The following HMGA2 variants were observed in gnomAD, a reference collection of about 807,000 sequenced individuals.
The protein encoded by HMGA2 is high mobility group protein HMGI-C.
Under a neutral mutation model 19.1 loss-of-function variants are expected in HMGA2, and 8 were observed. That is an observed-to-expected ratio of 0.42 (90% CI 0.25 to 0.76). HMGA2 has a LOEUF of 0.76. Among genes scored for constraint, HMGA2 ranks in the 30% least tolerant of loss-of-function variants. The pLI is 0.28. For synonymous variants in HMGA2, 60 were observed against 48.8 expected (o/e 1.23, Z -0.96); for missense variants, 109 against 136.3 (o/e 0.80, Z 1.00).
intron 3 of HMGA2, among the ~76,000 whole-genome samples, chr12:65,932,011 T>A (rs565526560): frequency 1.3e-5 from 2 of 152,342 alleles, no homozygotes; most frequent in Admixed American, 1.3e-4. Flanking sequence ...TATATTTGGC[T>A]TCAATGTCCA....
At chr12:65,952,385 C>T (rs916365479) in intron 4 of HMGA2, 2 of 1,534,848 alleles carry the variant, frequency 1.3e-6, no homozygotes, top group African/African-American at 1.4e-5. Context: ...GGAAGGACCA[C>T]CCGGGCAATC....
intron 3 of HMGA2, among the ~76,000 whole-genome samples, chr12:65,917,429 G>A (rs189729162): frequency 6.6e-6 from 1 of 152,310 alleles, no homozygotes; most frequent in Admixed American, 6.5e-5. Context: ...TCTGGATCTG[G>A]TCTGGATTGT....
At chr12:65,923,269 G>A (rs1649241249) in intron 3 of HMGA2, among the ~76,000 whole-genome samples, 1 of 152,108 alleles carries the variant, frequency 6.6e-6, no homozygotes, top group African/African-American at 2.4e-5. Flanking sequence ...GACCCCTCAA[G>A]AAATAAAAGA....
intron 3 of HMGA2, among the ~76,000 whole-genome samples, chr12:65,893,812 G>A (rs531964850): frequency 1.4e-4 from 21 of 152,320 alleles, no homozygotes; most frequent in Admixed American, 1.3e-4. Flanking sequence ...AGGAGAAAAG[G>A]CAAAACTGAT....
At chr12:65,881,846 T>C (rs952734651) in intron 3 of HMGA2, 5 of 702,998 alleles carry the variant, frequency 7.1e-6, no homozygotes, top group Non-Finnish European at 1.3e-5. Flanking sequence ...TTCCTTGAAC[T>C]GCACTCTTTT....
intron 3 of HMGA2, among the ~76,000 whole-genome samples, chr12:65,937,310 G>A (rs1387744442): frequency 1.3e-5 from 2 of 152,078 alleles, no homozygotes; most frequent in Non-Finnish European, 2.9e-5. Context: ...CCTAGAGTGG[G>A]ATACTCCCCT....
At chr12:65,837,177 C>T (rs1159475278) in intron 2 of HMGA2, among the ~76,000 whole-genome samples, 1 of 152,122 alleles carries the variant, frequency 6.6e-6, no homozygotes, top group Non-Finnish European at 1.5e-5. Flanking sequence ...TTTAAATGCT[C>T]AATATTTGTG....
intron 3 of HMGA2, among the ~76,000 whole-genome samples, chr12:65,905,291 T>C (rs923954863): frequency 1.3e-5 from 2 of 152,078 alleles, no homozygotes; most frequent in African/African-American, 2.4e-5. Flanking sequence ...CCAAATGAAA[T>C]TGCCGTTTTT....
intron 2 of HMGA2, chr12:65,828,423 T>C (rs1592369815): frequency 3.3e-6 from 1 of 304,308 alleles, no homozygotes; most frequent in East Asian, 7.9e-5. Context: ...CAGTTGTAAA[T>C]AGTTAAAAAC....
At chr12:65,920,626 T>A (rs1021067956) in intron 3 of HMGA2, among the ~76,000 whole-genome samples, 1 of 152,166 alleles carries the variant, frequency 6.6e-6, no homozygotes, top group Non-Finnish European at 1.5e-5. Context: ...TCTCACAAGA[T>A]CTGATGGGTT....
chr12:65,876,151 T>A (rs533370315), intron 3 of HMGA2, among the ~76,000 whole-genome samples: 4 of 152,280 alleles, frequency 2.6e-5, no homozygotes, highest in South Asian at 4.1e-4. Context: ...TTCCATTATA[T>A]AAATCTGTGT....
At chr12:65,946,184 T>C (rs976841929) in intron 3 of HMGA2, among the ~76,000 whole-genome samples, 4 of 152,212 alleles carry the variant, frequency 2.6e-5, no homozygotes, top group Admixed American at 2.0e-4. Context: ...ATCTGTCTTA[T>C]ACTATATTGC....
At chr12:65,859,805 C>T (rs572580706) in intron 3 of HMGA2, 31 of 189,750 alleles carry the variant, frequency 1.6e-4, no homozygotes, top group African/African-American at 6.9e-5. Context: ...GCATTTAGGC[C>T]GTGTGCAGTG....
chr12:65,896,790 G>T (rs1874150641), intron 3 of HMGA2, among the ~76,000 whole-genome samples: 3 of 152,214 alleles, frequency 2.0e-5, no homozygotes, highest in African/African-American at 4.8e-5. Flanking sequence ...ACTGCATGAA[G>T]AATCTGATTT....
chr12:65,949,641 T>C (rs534358355), intron 3 of HMGA2, among the ~76,000 whole-genome samples: 31 of 152,216 alleles, frequency 2.0e-4, no homozygotes, highest in Admixed American at 5.9e-4. Flanking sequence ...TAATACTCGA[T>C]TGGAAAGTTA....
intron 3 of HMGA2, among the ~76,000 whole-genome samples, chr12:65,916,304 G>A (rs563412453): frequency 5.3e-4 from 81 of 152,336 alleles, no homozygotes; most frequent in African/African-American, 1.9e-3. Context: ...AAAAAGGGAT[G>A]AAGATTAAGA....
rs34541445 is a variant in HMGA2, at chr12:65,849,736, A to ATTTTTTTTTTTTTTTT, written c.249+11176_249+11191dup. Among the ~76,000 whole-genome samples the ATTTTTTTTTTTTTTTT allele has an allele frequency of 2.0e-4, 17 of 85,124 alleles. 1 individual carries two copies. Among genetic ancestry groups the ATTTTTTTTTTTTTTTT allele is most frequent in the Non-Finnish European group, 2.6e-4 (12 of 46,510 alleles). The allele number at this position is 85,124 out of a possible 152,430, so 55.8% of individuals were successfully genotyped here. A position where few individuals can be genotyped will look rare whatever the true frequency, so the allele number is the denominator to read the frequency against. On this transcript the variant is annotated intron_variant, in intron 3 of 4. Coordinates refer to ENST00000403681, the MANE Select transcript of HMGA2 (RefSeq NM_003483.6). The stretch of plus-strand genomic sequence containing the variant: ...AAACCAAGACAATGGTAGGCTCTGT[A>ATTTTTTTTTTTTTTTT]TTTTTTTTTTTTTTTTTTTTTTTTG...
intron 3 of HMGA2, chr12:65,877,190 C>T (rs1473991739): frequency 6.6e-6 from 1 of 152,194 alleles, no homozygotes; most frequent in Admixed American, 6.5e-5. Context: ...CTCACTGAGA[C>T]CTTGGGAAAA....
At chr12:65,901,499 T>G (rs959296554) in intron 3 of HMGA2, among the ~76,000 whole-genome samples, 1 of 152,224 alleles carries the variant, frequency 6.6e-6, no homozygotes, top group Non-Finnish European at 1.5e-5. Context: ...CAAGCGTTTA[T>G]TTGTTGTCTG....
Sources: allele counts gnomAD v4.1 joint callset (sites outside exome capture counted in the v4.1 genomes callset), GRCh38; gene constraint gnomAD v4.1.1; transcripts MANE v1.5; gene names NCBI Gene and HGNC (gene_info 2026-07-23, HGNC 2026-07-21).